Variants in KLF12 observed in about 807,000 individuals in gnomAD.
KLF12 encodes KLF transcription factor 12.
KLF12 carries 9 observed loss-of-function variants against 37.8 expected under a neutral mutation model. The observed-to-expected ratio is 0.24, with a 90% confidence interval of 0.14 to 0.42. The LOEUF (loss-of-function observed/expected upper bound fraction) is 0.42, where lower values mean the gene tolerates loss of function less well. KLF12 is among the 10% of genes least tolerant of loss of function. The probability of loss-of-function intolerance (pLI) is 1.00; values close to 1 mark genes in which losing one functional copy is unlikely to be tolerated. For synonymous variants in KLF12, 208 were observed against 202.1 expected (o/e 1.03, Z -0.25); for missense variants, 411 against 516.0 (o/e 0.80, Z 1.97).
At chr13:73,979,023 G>C (rs1891617749) in intron 2 of KLF12, among the ~76,000 whole-genome samples, 2 of 152,208 alleles carry the variant, frequency 1.3e-5, no homozygotes, top group South Asian at 4.1e-4. Flanking sequence ...ACAGAGGGAT[G>C]AACAGGAAGA....
chr13:73,903,619 GT>G (rs1427875176), intron 3 of KLF12, among the ~76,000 whole-genome samples: 3 of 152,180 alleles, frequency 2.0e-5, no homozygotes, highest in Admixed American at 6.5e-5. Flanking sequence ...GTGTGGGAAG[GT>G]TCATGCCCTA....
At chr13:73,781,542 A>G (rs1031522249) in intron 5 of KLF12, among the ~76,000 whole-genome samples, 2 of 152,212 alleles carry the variant, frequency 1.3e-5, no homozygotes, top group African/African-American at 2.4e-5. Context: ...GACAAACTGA[A>G]TTTACAAAAT....
intron 1 of KLF12, among the ~76,000 whole-genome samples, chr13:74,014,603 T>C (rs1022100702): frequency 6.6e-6 from 1 of 152,212 alleles, no homozygotes; most frequent in African/African-American, 2.4e-5. Flanking sequence ...AAAGAATGTA[T>C]TTAACAGGTA....
the KLF12 span, among the ~76,000 whole-genome samples, chr13:74,216,604 T>C: frequency 6.6e-6 from 1 of 152,194 alleles, no homozygotes; most frequent in Non-Finnish European, 1.5e-5. Context: ...GAAGTTTACA[T>C]CAGGAGACAT....
the KLF12 span, among the ~76,000 whole-genome samples, chr13:74,305,474 A>C: frequency 9.2e-5 from 14 of 152,154 alleles, no homozygotes; most frequent in Admixed American, 3.3e-4. Flanking sequence ...CTTAAATAAA[A>C]ATTGGAAAAA....
the KLF12 span, among the ~76,000 whole-genome samples, chr13:74,195,183 T>C: frequency 5.9e-5 from 9 of 152,322 alleles, no homozygotes; most frequent in African/African-American, 2.2e-4. Flanking sequence ...TCATTTAAAA[T>C]GTGTATCACC....
At chr13:74,212,354 C>A in the KLF12 span, among the ~76,000 whole-genome samples, 2 of 152,084 alleles carry the variant, frequency 1.3e-5, no homozygotes, top group Non-Finnish European at 2.9e-5. Flanking sequence ...AGTCAACTGG[C>A]AGAAAGAGAA....
At chr13:73,932,810 G>A (rs563084454) in intron 3 of KLF12, among the ~76,000 whole-genome samples, 1 of 152,154 alleles carries the variant, frequency 6.6e-6, no homozygotes, top group African/African-American at 2.4e-5. Flanking sequence ...AAGGCTCTGT[G>A]ACTCTAGGCA....
intron 4 of KLF12, among the ~76,000 whole-genome samples, chr13:73,819,761 A>G (rs1883422867): frequency 6.6e-6 from 1 of 152,242 alleles, no homozygotes; most frequent in African/African-American, 2.4e-5. Flanking sequence ...GATGGTGGCC[A>G]GGAAAGGCCA....
At position 73,687,249 on chromosome 13, in the gene KLF12, A is replaced by C. The variant is rs892128111; in HGVS notation, c.*8241T>G. On this transcript the variant is annotated 3_prime_UTR_variant, in exon 8 of 8. Coordinates refer to ENST00000377669, the MANE Select transcript of KLF12 (RefSeq NM_007249.5). ...ACGATGTTTTCAAGCTGGTTTTATA[A>C]GTACTTATCTCACATCCACAGAGAG... 6.6e-6 allele frequency: 1 copy of C among 152,670 alleles called. No individual in the cohort carries two copies. The highest frequency in any genetic ancestry group is 1.5e-5 in the Non-Finnish European group (1 of 68,048). 9.5% of individuals were successfully genotyped at this position (152,670 alleles called of 1,614,324 possible). A position where few individuals can be genotyped will look rare whatever the true frequency, so the allele number is the denominator to read the frequency against.
intron 1 of KLF12, among the ~76,000 whole-genome samples, chr13:74,080,994 G>GT (rs1410686525): frequency 1.3e-5 from 2 of 152,166 alleles, no homozygotes; most frequent in Non-Finnish European, 2.9e-5. Context: ...CATGCCTGTG[G>GT]TTTACACAGA....
At chr13:74,276,487 T>G in the KLF12 span, among the ~76,000 whole-genome samples, 3 of 152,212 alleles carry the variant, frequency 2.0e-5, no homozygotes, top group African/African-American at 7.2e-5. Flanking sequence ...TATACCATCT[T>G]CCAGTAATGA....
intron 2 of KLF12, among the ~76,000 whole-genome samples, chr13:73,955,607 T>G (rs191713369): frequency 1.3e-5 from 2 of 152,342 alleles, no homozygotes; most frequent in Non-Finnish European, 2.9e-5. Flanking sequence ...GCAAGCAAAT[T>G]CTATATTTGA....
At chr13:74,056,473 A>G (rs1033177075) in intron 1 of KLF12, among the ~76,000 whole-genome samples, 3 of 152,234 alleles carry the variant, frequency 2.0e-5, no homozygotes, top group Admixed American at 6.5e-5. Context: ...TTCAACTGAC[A>G]CGGCACTAGG....
the KLF12 span, among the ~76,000 whole-genome samples, chr13:74,288,332 A>AT: frequency 1.3e-5 from 2 of 152,282 alleles, no homozygotes; most frequent in African/African-American, 4.8e-5. Context: ...GAGTCTTTTC[A>AT]TTTTTGTCCA....
chr13:73,759,936 A>G (rs1375904165), intron 6 of KLF12, among the ~76,000 whole-genome samples: 1 of 152,188 alleles, frequency 6.6e-6, no homozygotes, highest in African/African-American at 2.4e-5. Flanking sequence ...TCTCATTTTT[A>G]TGACAAAACT....
intron 1 of KLF12, among the ~76,000 whole-genome samples, chr13:74,078,903 A>G (rs1254723043): frequency 6.6e-6 from 1 of 152,174 alleles, no homozygotes; most frequent in Non-Finnish European, 1.5e-5. Context: ...GTACCGTATT[A>G]TTTTAAGTGC....
At chr13:73,994,367 T>C (rs1216881186) in intron 2 of KLF12, among the ~76,000 whole-genome samples, 2 of 152,148 alleles carry the variant, frequency 1.3e-5, no homozygotes. Context: ...TAGTGTCACC[T>C]ATGATTTTTA....
intron 5 of KLF12, among the ~76,000 whole-genome samples, chr13:73,797,820 A>T (rs1167534662): frequency 6.6e-6 from 1 of 150,680 alleles, no homozygotes; most frequent in East Asian, 2.0e-4. Flanking sequence ...TCCTAAACTT[A>T]GAGTTATTGT....
Sources: allele counts gnomAD v4.1 joint callset (sites outside exome capture counted in the v4.1 genomes callset), GRCh38; gene constraint gnomAD v4.1.1; transcripts MANE v1.5; gene names NCBI Gene and HGNC (gene_info 2026-07-23, HGNC 2026-07-21).